BMPR1A: variants seen among roughly 807,000 people sequenced by gnomAD.
The protein encoded by BMPR1A is bone morphogenetic protein receptor type-1A.
BMPR1A carries 7 observed loss-of-function variants against 66.0 expected under a neutral mutation model. That is an observed-to-expected ratio of 0.11 (90% CI 0.06 to 0.20). The LOEUF (loss-of-function observed/expected upper bound fraction) is 0.20, where lower values mean the gene tolerates loss of function less well. Ranked by LOEUF, BMPR1A falls within the 10% of genes least tolerant of loss-of-function variation. The probability of loss-of-function intolerance (pLI) is 1.00; values close to 1 mark genes in which losing one functional copy is unlikely to be tolerated. For synonymous variants in BMPR1A, 200 were observed against 229.7 expected, an observed-to-expected ratio of 0.87 and a Z score of 1.17; for missense variants, 408 against 669.1, an observed-to-expected ratio of 0.61 and a Z score of 4.31.
At chr10:86,931,298 C>CATATATATATATATATATATAT (rs1175375580), downstream of BMPR1A, 18 of 90,850 alleles carry the variant, frequency 2.0e-4, no homozygotes, top group African/African-American at 9.9e-4. Flanking sequence ...CACACACACA[C>CATATATATATATATATATATAT]ATATATATAT....
chr10:86,782,515 T>C (rs1841453179), intron 1 of BMPR1A, among the ~76,000 whole-genome samples: 1 of 152,152 alleles, frequency 6.6e-6, no homozygotes, highest in Non-Finnish European at 1.5e-5. Flanking sequence ...TTTTTGTTTT[T>C]TGTTTTTTTT....
rs1386252437 is a variant in BMPR1A, at chr10:86,924,240, T to C, written c.*521T>C. 4.0e-6 allele frequency: 1 copy of C among 248,400 alleles called. No homozygotes were observed. The highest frequency in any genetic ancestry group is 8.0e-6 in the Non-Finnish European group (1 of 125,572). The allele number at this position is 248,400 out of a possible 1,614,324, so 15.4% of individuals were successfully genotyped here. A position where few individuals can be genotyped will look rare whatever the true frequency, so the allele number is the denominator to read the frequency against. On this transcript the variant is annotated 3_prime_UTR_variant, in exon 13 of 13. Coordinates refer to ENST00000372037, the MANE Select transcript of BMPR1A (RefSeq NM_004329.3). ...TGTCCTGTGTCCTTAGTGATGTGTG[T>C]GTGTCTCCATGCACATGCACGCCGG...
At chr10:86,809,397 C>T (rs1000020271) in intron 1 of BMPR1A, among the ~76,000 whole-genome samples, 1 of 151,660 alleles carries the variant, frequency 6.6e-6, no homozygotes, top group Non-Finnish European at 1.5e-5. Flanking sequence ...TCAAGCGATT[C>T]TCCCACCTCA....
At chr10:86,827,448 G>C (rs933165507) in intron 1 of BMPR1A, among the ~76,000 whole-genome samples, 7 of 152,090 alleles carry the variant, frequency 4.6e-5, no homozygotes, top group African/African-American at 1.7e-4. Context: ...ACTGCTGCTT[G>C]ACACCTCGGT....
chr10:86,901,680 A>G (rs1843312227), intron 7 of BMPR1A, among the ~76,000 whole-genome samples: 1 of 152,216 alleles, frequency 6.6e-6, no homozygotes, highest in Non-Finnish European at 1.5e-5. Flanking sequence ...GACTAGTAAA[A>G]GCAAGCAAGT....
At chr10:86,920,788 A>G (rs1481112733) in intron 10 of BMPR1A, among the ~76,000 whole-genome samples, 1 of 145,396 alleles carries the variant, frequency 6.9e-6, no homozygotes, top group East Asian at 2.0e-4. Flanking sequence ...TTCCTCTTGT[A>G]TTTTCATATT....
At chr10:86,883,467 G>A (rs1326114214) in intron 3 of BMPR1A, among the ~76,000 whole-genome samples, 1 of 139,898 alleles carries the variant, frequency 7.1e-6, no homozygotes, top group African/African-American at 2.6e-5. Context: ...GGAGAATGGT[G>A]TGAACCCGGG....
Position 86,890,049 on chromosome 10 carries a change from T to C in BMPR1A, c.68-13T>C, listed in dbSNP as rs1564714744. On this transcript the variant is annotated splice_polypyrimidine_tract_variant and intron_variant, in intron 3 of 12. Transcript: ENST00000372037. Reference sequence around the variant, plus strand: ...AGAAATGATTTACTTACAAATTCCATATTTGAATGCAGGACAGAATCTGGA... The same window carrying C: ...AGAAATGATTTACTTACAAATTCCACATTTGAATGCAGGACAGAATCTGGA... The C allele has an allele frequency of 5.0e-6, 8 of 1,612,164 alleles. No homozygotes were observed. Among genetic ancestry groups the C allele is most frequent in the Non-Finnish European group, 5.9e-6 (7 of 1,179,776 alleles).
chr10:86,905,611 C>G (rs1430405431), intron 7 of BMPR1A, among the ~76,000 whole-genome samples: 1 of 151,908 alleles, frequency 6.6e-6, no homozygotes, highest in East Asian at 1.9e-4. Context: ...GATACTTACT[C>G]ACTCTTGTTG....
At chr10:86,785,437 C>G (rs1841501596) in intron 1 of BMPR1A, among the ~76,000 whole-genome samples, 1 of 152,174 alleles carries the variant, frequency 6.6e-6, no homozygotes, top group Non-Finnish European at 1.5e-5. Flanking sequence ...TCCCGAGTAG[C>G]TGGGATTATA....
intron 2 of BMPR1A, among the ~76,000 whole-genome samples, chr10:86,852,749 T>TA (rs1842588381): frequency 1.3e-5 from 2 of 152,174 alleles, no homozygotes; most frequent in Non-Finnish European, 2.9e-5. Flanking sequence ...CTAGAGTTCT[T>TA]ACTCTATTCC....
intron 1 of BMPR1A, among the ~76,000 whole-genome samples, chr10:86,759,616 C>T (rs989928407): frequency 6.6e-6 from 1 of 152,192 alleles, no homozygotes; most frequent in African/African-American, 2.4e-5. Flanking sequence ...TGTAACTCTT[C>T]TGCTCTCTAT....
chr10:86,799,479 TTC>T (rs1841776548), intron 1 of BMPR1A, among the ~76,000 whole-genome samples: 1 of 116,738 alleles, frequency 8.6e-6, no homozygotes, highest in African/African-American at 3.6e-5. Flanking sequence ...TCTTCCTTCC[TTC>T]CTTCCTTCCT....
chr10:86,817,321 G>A (rs751078208), intron 1 of BMPR1A, among the ~76,000 whole-genome samples: 25 of 152,050 alleles, frequency 1.6e-4, no homozygotes, highest in Admixed American at 1.5e-3. Flanking sequence ...TACTAAGTAC[G>A]TCATATAAGT....
At chr10:86,807,759 C>A (rs1408973058) in intron 1 of BMPR1A, among the ~76,000 whole-genome samples, 1 of 151,782 alleles carries the variant, frequency 6.6e-6, no homozygotes, top group African/African-American at 2.4e-5. Context: ...AGATACTGTT[C>A]TATAGTTGTG....
chr10:86,876,889 C>A (rs1354336701), intron 3 of BMPR1A, among the ~76,000 whole-genome samples: 2 of 152,156 alleles, frequency 1.3e-5, no homozygotes, highest in Admixed American at 6.5e-5. Flanking sequence ...TTGTTTATGA[C>A]CAATAAAGTA....
intron 2 of BMPR1A, chr10:86,855,853 A>G (rs1035294410): frequency 1.2e-6 from 1 of 802,434 alleles, no homozygotes; most frequent in Admixed American, 2.3e-5. Context: ...TGCTGCTGTC[A>G]TTATGAGTGC....
chr10:86,894,831 A>G (rs145512072), intron 5 of BMPR1A, among the ~76,000 whole-genome samples: 1 of 152,162 alleles, frequency 6.6e-6, no homozygotes, highest in Non-Finnish European at 1.5e-5. Flanking sequence ...GCTGTTACCC[A>G]TATCCCTGGG....
chr10:86,906,617 G>A lies in BMPR1A; in HGVS notation c.531-5623G>A, dbSNP rs865835871. Among the ~76,000 whole-genome samples the A allele has an allele frequency of 6.2e-5, 5 of 81,022 alleles. 2 individuals carry two copies. The highest frequency in any genetic ancestry group is 1.0e-4 in the Non-Finnish European group (5 of 48,718). 53.2% of individuals were successfully genotyped at this position (81,022 alleles called of 152,430 possible). A position where few individuals can be genotyped will look rare whatever the true frequency, so the allele number is the denominator to read the frequency against. On this transcript the variant is annotated intron_variant, in intron 7 of 12. Transcript: ENST00000372037. Reference sequence around the variant, plus strand: ...CGGGCGCCTGTAGTCCCAGCTACTCGGGAGGCTGAGGCAGGAGGATGGCGT... The same window carrying A: ...CGGGCGCCTGTAGTCCCAGCTACTCAGGAGGCTGAGGCAGGAGGATGGCGT...
Sources: gnomAD v4.1 joint callset for allele counts (sites outside exome capture counted in the v4.1 genomes callset) on GRCh38, gnomAD v4.1.1 for gene constraint, MANE v1.5 for transcripts, NCBI Gene and HGNC (gene_info 2026-07-23, HGNC 2026-07-21) for gene names.